The following CEP192 variants were observed in gnomAD, a reference collection of about 807,000 sequenced individuals.
CEP192 encodes the protein centrosomal protein of 192 kDa.
CEP192 carries 151 observed loss-of-function variants against 271.8 expected under a neutral mutation model. That is an observed-to-expected ratio of 0.56 (90% CI 0.49 to 0.64). CEP192 has a LOEUF of 0.64. CEP192 is among the 30% of genes least tolerant of loss of function. The pLI, the probability that CEP192 is intolerant of heterozygous loss-of-function variation, is 0.00. For missense variants in CEP192, 2,910 were observed against 3,020.5 expected, an observed-to-expected ratio of 0.96 and a Z score of 0.86; for synonymous variants, 995 against 1,076.5, an observed-to-expected ratio of 0.92 and a Z score of 1.48.
chr18:13,117,357 A>G (rs1052546985), intron 43 of CEP192, among the ~76,000 whole-genome samples: 3 of 152,202 alleles, frequency 2.0e-5, no homozygotes, highest in Non-Finnish European at 4.4e-5. Flanking sequence ...GTACTATTAT[A>G]CACACATATT....
At chr18:13,058,882 A>G in intron 20 of CEP192, 200 bp from the exon 21 acceptor site, 1 of 573,916 alleles carries the variant, frequency 1.7e-6, no homozygotes, top group South Asian at 2.1e-5. Flanking sequence ...TTGGTGCAGC[A>G]AGAACATTCA....
At chr18:13,057,455 T>C in intron 19 of CEP192, 130 bp from the exon 20 acceptor site, 1 of 971,636 alleles carries the variant, frequency 1.0e-6, no homozygotes, top group Non-Finnish European at 1.5e-6. Context: ...GACTCCTTCA[T>C]CTGGAGCACT....
Position 13,049,357 on chromosome 18 carries a change from GA to G in CEP192, c.2567del (p.Glu856GlyfsTer6). 1 of 1,614,110 alleles carries G rather than the reference GA, an allele frequency of 6.2e-7. No homozygotes were observed. The highest frequency in any genetic ancestry group is 8.5e-7 in the Non-Finnish European group (1 of 1,180,010). On this transcript the variant is annotated frameshift_variant, in exon 16 of 45. Transcript: ENST00000506447. LOFTEE classifies it high-confidence loss of function. ...TGAAAATGGAGAGAGTGAGAATCAA[GA>G]GTCATTTAGAACCATAAACTCCTCA... is the stretch of plus-strand genomic sequence containing the variant. ...YVENGESENQ[E>X]SFRTINSSNS...
At chr18:12,998,595 T>C (rs1042050485) in intron 1 of CEP192, among the ~76,000 whole-genome samples, 1 of 152,218 alleles carries the variant, frequency 6.6e-6, no homozygotes, top group African/African-American at 2.4e-5. Context: ...ATGTTTATCA[T>C]CCTAAATAAA....
At chr18:13,005,485 G>C (rs1466837249) in intron 3 of CEP192, among the ~76,000 whole-genome samples, 2 of 152,210 alleles carry the variant, frequency 1.3e-5, no homozygotes, top group Non-Finnish European at 2.9e-5. Context: ...GCAAATGTCA[G>C]GGATGGGAGG....
intron 32 of CEP192, 64 bp from the exon 33 acceptor site, chr18:13,089,392 C>T (rs1413396820): frequency 2.6e-6 from 2 of 762,160 alleles, no homozygotes; most frequent in East Asian, 2.8e-5. Flanking sequence ...TAGTGAAAAT[C>T]TAATTAAAGT....
chr18:12,996,536 G>A (rs67565680), intron 1 of CEP192, among the ~76,000 whole-genome samples: 17,308 of 152,080 alleles, frequency 0.11, 1,147 homozygotes, highest in East Asian at 0.31. Flanking sequence ...TACATTTTAC[G>A]TGATATTTTA....
intron 21 of CEP192, among the ~76,000 whole-genome samples, chr18:13,061,556 G>GT (rs903518250): frequency 6.6e-6 from 1 of 152,046 alleles, no homozygotes; most frequent in Non-Finnish European, 1.5e-5. Context: ...TCTTTATAAA[G>GT]TTTTTTTTCC....
chr18:13,035,689 C>T (rs972699694), intron 11 of CEP192, among the ~76,000 whole-genome samples: 5 of 152,116 alleles, frequency 3.3e-5, no homozygotes, highest in Non-Finnish European at 7.3e-5. Flanking sequence ...TTGGTTGCTC[C>T]TTTCATCTTT....
intron 30 of CEP192, among the ~76,000 whole-genome samples, chr18:13,082,040 T>C (rs2038637915): frequency 6.6e-6 from 1 of 152,232 alleles, no homozygotes; most frequent in Non-Finnish European, 1.5e-5. Flanking sequence ...TGGTCAGTTT[T>C]GGAATAAGTG....
intron 33 of CEP192, among the ~76,000 whole-genome samples, chr18:13,092,065 C>T (rs1295265418): frequency 6.6e-6 from 1 of 152,184 alleles, no homozygotes; most frequent in African/African-American, 2.4e-5. Context: ...ATGCTCACAA[C>T]CCCTGATACA....
intron 43 of CEP192, among the ~76,000 whole-genome samples, chr18:13,116,824 T>C (rs1402937858): frequency 2.6e-5 from 4 of 152,168 alleles, no homozygotes; most frequent in African/African-American, 9.7e-5. Context: ...TTAGCCAGGA[T>C]AGTCTTGATT....
intron 15 of CEP192, among the ~76,000 whole-genome samples, chr18:13,048,405 G>T (rs2036593605): frequency 6.6e-6 from 1 of 152,132 alleles, no homozygotes; most frequent in Non-Finnish European, 1.5e-5. Context: ...TTTCGTAATG[G>T]CCCCAAAGTG....
rs377543286 is a variant in CEP192, at chr18:13,124,776, A to G, written c.*6A>G. 6 of 1,594,298 alleles carry G rather than the reference A, an allele frequency of 3.8e-6. No homozygotes were observed. Among genetic ancestry groups the G allele is most frequent in the Non-Finnish European group, 5.2e-6 (6 of 1,163,744 alleles). On this transcript the variant is annotated 3_prime_UTR_variant, in exon 45 of 45. Transcript: ENST00000506447. ...AAGCTCTTGGAAAAAATTAACTAGAATACATTTTTGTGTAAAGTAAATTAC... is the reference window on the plus strand; with the variant it reads ...AAGCTCTTGGAAAAAATTAACTAGAGTACATTTTTGTGTAAAGTAAATTAC...
At chr18:13,005,163 A>G (rs1599039530) in intron 3 of CEP192, among the ~76,000 whole-genome samples, 1 of 152,084 alleles carries the variant, frequency 6.6e-6, no homozygotes, top group East Asian at 1.9e-4. Context: ...GCTGTGGGAG[A>G]GATGAGGGTC....
chr18:13,113,763 A>G, intron 41 of CEP192, 58 bp downstream of exon 41: 1 of 1,481,188 alleles, frequency 6.8e-7, no homozygotes, highest in South Asian at 1.3e-5. Context: ...ACAGAAAGGG[A>G]AATTAATAAG....
At chr18:13,013,477 T>C (rs1486912110) in intron 5 of CEP192, among the ~76,000 whole-genome samples, 1 of 152,278 alleles carries the variant, frequency 6.6e-6, no homozygotes, top group African/African-American at 2.4e-5. Flanking sequence ...TCTTAACACT[T>C]GTGATCAGAA....
At chr18:13,041,635 G>A (rs180977117) in intron 14 of CEP192, among the ~76,000 whole-genome samples, 52 of 147,892 alleles carry the variant, frequency 3.5e-4, no homozygotes, top group African/African-American at 1.1e-3. Flanking sequence ...GCGTGATCTC[G>A]GCTCACTGCA....
At chr18:13,021,971 C>T (rs906742395) in intron 9 of CEP192, among the ~76,000 whole-genome samples, 2 of 152,088 alleles carry the variant, frequency 1.3e-5, no homozygotes, top group African/African-American at 4.8e-5. Flanking sequence ...AGATTTTTCT[C>T]CATTGTTATC....
Sources: gnomAD v4.1 joint callset for allele counts (sites outside exome capture counted in the v4.1 genomes callset) on GRCh38, gnomAD v4.1.1 for gene constraint, MANE v1.5 for transcripts, NCBI Gene and HGNC (gene_info 2026-07-23, HGNC 2026-07-21) for gene names.